Variants in WASHC5 observed in about 807,000 individuals in gnomAD.
The protein encoded by WASHC5 is WASH complex subunit strumpellin.
Under a neutral mutation model 150.4 loss-of-function variants are expected in WASHC5, and 101 were observed. The observed-to-expected ratio is 0.67, with a 90% CI of 0.57 to 0.79. The LOEUF is 0.79. Among genes scored for constraint, WASHC5 ranks in the 30% least tolerant of loss-of-function variants. WASHC5 has a pLI of 0.00. For missense variants in WASHC5, 1,195 were observed against 1,396.3 expected (o/e 0.86, Z 2.30); for synonymous variants, 467 against 491.2 (o/e 0.95, Z 0.65).
intron 9 of WASHC5, 23 bp downstream of exon 9, chr8:125,073,130 C>A: frequency 1.2e-6 from 2 of 1,612,784 alleles, no homozygotes; most frequent in Non-Finnish European, 1.7e-6. Flanking sequence ...GTAATATAAA[C>A]GGCCACCCCT....
intron 28 of WASHC5, among the ~76,000 whole-genome samples, chr8:125,025,548 C>T (rs976384952): frequency 2.6e-5 from 4 of 151,902 alleles, no homozygotes; most frequent in Non-Finnish European, 5.9e-5. Flanking sequence ...ATCAGCAGGG[C>T]GTGGTGGTAC....
At chr8:125,070,885 G>A (rs1195132498) in intron 9 of WASHC5, among the ~76,000 whole-genome samples, 1 of 152,234 alleles carries the variant, frequency 6.6e-6, no homozygotes, top group Non-Finnish European at 1.5e-5. Context: ...TACGAAGGAT[G>A]AGGAAGTCCA....
intron 25 of WASHC5, 37 bp downstream of exon 25, chr8:125,038,793 A>AC (rs35700689): frequency 1.2e-6 from 2 of 1,609,548 alleles, no homozygotes; most frequent in Non-Finnish European, 8.5e-7. Flanking sequence ...ACCATTCTGT[A>AC]CCCCCATCCC....
At chr8:125,068,766 C>T (rs570282338) in intron 9 of WASHC5, among the ~76,000 whole-genome samples, 1 of 152,326 alleles carries the variant, frequency 6.6e-6, no homozygotes, top group Admixed American at 6.5e-5. Context: ...TCTGAACTAT[C>T]CACTACCCAG....
At chr8:125,088,161 G>C (rs376839316) in intron 1 of WASHC5, among the ~76,000 whole-genome samples, 1 of 152,098 alleles carries the variant, frequency 6.6e-6, no homozygotes, top group Admixed American at 6.5e-5. Context: ...GAGGAGAATA[G>C]GGCCAGGTGT....
chr8:125,079,185 CTTTTTTTTTTT>C (rs34211379), intron 5 of WASHC5, among the ~76,000 whole-genome samples: 2 of 57,560 alleles, frequency 3.5e-5, no homozygotes, highest in Non-Finnish European at 5.8e-5. Context: ...TATATATAAC[CTTTTTTTTTTT>C]TTTTTTTTTT....
At chr8:125,026,648 A>G (rs1273806282) in intron 28 of WASHC5, among the ~76,000 whole-genome samples, 1 of 152,064 alleles carries the variant, frequency 6.6e-6, no homozygotes, top group East Asian at 1.9e-4. Context: ...ACATCTATTG[A>G]CTAATATTCC....
chr8:125,082,337 T>C (rs1287620809), intron 4 of WASHC5, 46 bp downstream of exon 4: 2 of 1,049,078 alleles, frequency 1.9e-6, no homozygotes, highest in Admixed American at 3.4e-5. Context: ...AGTGATACTA[T>C]GTTTGATATT....
chr8:125,067,455 C>G lies in WASHC5; in HGVS notation c.1278+137G>C, dbSNP rs10283187. ...TTAAATGTTTATTCCTGTCCTTTAA[C>G]TATAAGAACTATCTCAACAGCTCAA... On this transcript the variant is annotated intron_variant, in intron 10 of 28. Transcript: ENST00000318410. The G allele has an allele frequency of 0.084, 61,467 of 733,026 alleles. 2,999 individuals carry two copies. Among genetic ancestry groups the G allele is most frequent in the Middle Eastern group, 0.19 (493 of 2,610 alleles). The allele number at this position is 733,026 out of a possible 1,614,324, so 45.4% of individuals were successfully genotyped here.
intron 27 of WASHC5, among the ~76,000 whole-genome samples, chr8:125,029,308 C>T (rs1220229168): frequency 6.6e-6 from 1 of 152,250 alleles, no homozygotes; most frequent in Non-Finnish European, 1.5e-5. Flanking sequence ...GTTGGGATTA[C>T]AGGCGTGAGC....
At chr8:125,084,440 T>C (rs1370389396) in intron 1 of WASHC5, among the ~76,000 whole-genome samples, 2 of 152,186 alleles carry the variant, frequency 1.3e-5, no homozygotes. Context: ...GTCCAATTAT[T>C]TCCCAGAAAT....
At chr8:125,070,913 G>A (rs1460166953) in intron 9 of WASHC5, among the ~76,000 whole-genome samples, 1 of 152,190 alleles carries the variant, frequency 6.6e-6, no homozygotes, top group African/African-American at 2.4e-5. Context: ...TTTTCACTGT[G>A]GACCACCCAT....
chr8:125,058,663 G>A (rs934057758), intron 14 of WASHC5, among the ~76,000 whole-genome samples: 2 of 151,966 alleles, frequency 1.3e-5, no homozygotes, highest in Admixed American at 6.6e-5. Context: ...CAAGAGAATC[G>A]CTTGAACCCG....
intron 26 of WASHC5, among the ~76,000 whole-genome samples, chr8:125,036,382 C>G (rs1815705969): frequency 1.3e-5 from 2 of 152,210 alleles, no homozygotes; most frequent in Admixed American, 6.5e-5. Context: ...TTTAAATCCA[C>G]TGTCTAGGGC....
In WASHC5 at chr8:125,059,764, A is replaced by G. The variant is rs188527534; in HGVS notation, c.1522-222T>C. ...GCTGCTTATTGTGTATATCACAACC[A>G]TGTGTTGGAATTTGTGTATTATTAA... On this transcript the variant is annotated intron_variant, in intron 12 of 28. Transcript: ENST00000318410. 1.3e-3 allele frequency among the ~76,000 whole-genome samples: 202 copies of G among 152,342 alleles called. 2 individuals are homozygous for G. The highest frequency in any genetic ancestry group is 4.5e-3 in the African/African-American group (185 of 41,570).
At chr8:125,089,713 G>T (rs1817539031) in intron 1 of WASHC5, among the ~76,000 whole-genome samples, 1 of 152,168 alleles carries the variant, frequency 6.6e-6, no homozygotes, top group Admixed American at 6.5e-5. Context: ...ACACATTCGG[G>T]GAAGCTTCAG....
At chr8:125,080,898 T>G in intron 5 of WASHC5, among the ~76,000 whole-genome samples, 1 of 152,206 alleles carries the variant, frequency 6.6e-6, no homozygotes, top group Non-Finnish European at 1.5e-5. Context: ...GAATGACAAC[T>G]TTTCAAAGTC....
chr8:125,037,501 C>G (rs1019596855), intron 25 of WASHC5, among the ~76,000 whole-genome samples, 168 bp from the exon 26 acceptor site: 2 of 152,176 alleles, frequency 1.3e-5, no homozygotes, highest in African/African-American at 4.8e-5. Flanking sequence ...TTTAACACAC[C>G]TGGCCCTGGC....
In WASHC5 at chr8:125,032,224, T is replaced by A; in HGVS notation, c.3335+17A>T. ...TGTGACAAGAAGTCCCACGTAGTCC[T>A]GGTTGGTCTTCTGTACCTTGTACAC... On this transcript the variant is annotated intron_variant, in intron 27 of 28. Coordinates refer to ENST00000318410, the MANE Select transcript of WASHC5 (RefSeq NM_014846.4). 6.2e-7 allele frequency: 1 copy of A among 1,613,978 alleles called. No individual in the cohort carries two copies. The highest frequency in any genetic ancestry group is 8.5e-7 in the Non-Finnish European group (1 of 1,179,840).
Sources: allele counts gnomAD v4.1 joint callset (sites outside exome capture counted in the v4.1 genomes callset), GRCh38; gene constraint gnomAD v4.1.1; transcripts MANE v1.5; gene names NCBI Gene and HGNC (gene_info 2026-07-23, HGNC 2026-07-21).